The following OXSR1 variants were observed in gnomAD, a reference collection of about 807,000 sequenced individuals.
OXSR1 encodes the protein oxidative stress responsive kinase 1, also known as serine/threonine-protein kinase OSR1.
A neutral mutation model predicts 79.8 loss-of-function variants in OXSR1; 24 were observed. That is an observed-to-expected ratio of 0.30 (90% confidence interval 0.22 to 0.42). The LOEUF is 0.42. Ranked by LOEUF, OXSR1 falls within the 10% of genes least tolerant of loss-of-function variation. The probability of loss-of-function intolerance (pLI) is 1.00; values close to 1 mark genes in which losing one functional copy is unlikely to be tolerated. For synonymous variants in OXSR1, 226 were observed against 209.2 expected, an observed-to-expected ratio of 1.08 and a Z score of -0.69; for missense variants, 430 against 618.4, an observed-to-expected ratio of 0.70 and a Z score of 3.23.
chr3:38,170,272 C>G (rs1701552534), intron 1 of OXSR1, among the ~76,000 whole-genome samples: 1 of 151,976 alleles, frequency 6.6e-6, no homozygotes, highest in Admixed American at 6.6e-5. Context: ...TCTCGAACTC[C>G]TTACCTCAGA....
intron 2 of OXSR1, among the ~76,000 whole-genome samples, chr3:38,184,723 T>TCA (rs1305686659): frequency 6.6e-6 from 1 of 152,036 alleles, no homozygotes; most frequent in East Asian, 1.9e-4. Context: ...TACTTTAACC[T>TCA]CACACACATC....
intron 5 of OXSR1, 30 bp from the exon 6 acceptor site, chr3:38,221,548 T>G (rs376185375): frequency 1.6e-6 from 2 of 1,231,114 alleles, no homozygotes; most frequent in Non-Finnish European, 2.4e-6. Flanking sequence ...TGATGCACTT[T>G]AAATACCTTG....
At chr3:38,179,362 T>C (rs1056063971) in intron 1 of OXSR1, among the ~76,000 whole-genome samples, 14 of 152,014 alleles carry the variant, frequency 9.2e-5, no homozygotes, top group African/African-American at 3.4e-4. Flanking sequence ...AGACAGGGTC[T>C]TGCCATGTTG....
chr3:38,179,258 G>A (rs1374316905), intron 1 of OXSR1, among the ~76,000 whole-genome samples: 1 of 151,892 alleles, frequency 6.6e-6, no homozygotes, highest in African/African-American at 2.4e-5. Flanking sequence ...TTGAACTCTT[G>A]GGCTCAAGCG....
chr3:38,176,356 TATG>T lies in OXSR1; in HGVS notation c.71-6644_71-6642del, dbSNP rs1289007411. Among the ~76,000 whole-genome samples, 8 of 152,302 alleles carry T rather than the reference TATG, an allele frequency of 5.3e-5. No homozygotes were observed. In the South Asian group the frequency reaches 6.2e-4, roughly 12 times the overall value. On this transcript the variant is annotated intron_variant, in intron 1 of 17. Transcript: ENST00000311806. The stretch of plus-strand genomic sequence containing the variant: ...AATATTGGTGAATAGTTAAAATAAT[TATG>T]ATAAAACTTTTAGATATTCTTCCAT...
rs754668810 is a variant in OXSR1 at position 38,230,425 on chromosome 3, A to G, written c.946A>G (p.Lys316Glu). The G allele has an allele frequency of 8.1e-6, 13 of 1,595,306 alleles. No individual in the cohort carries two copies. In the East Asian group the frequency reaches 2.9e-4, roughly 36 times the overall value. The change falls in exon 10 of 18, where the codon AAA (lysine) becomes GAA (glutamate). Residue 316 changes from lysine (K) to glutamate (E), a missense_variant. By Grantham distance (56) the Lys-to-Glu change is moderately conservative. This residue lies in a region of OXSR1 where 276 missense variants were observed against 354.2 expected (regional missense o/e 0.78). Coordinates refer to ENST00000311806, the MANE Select transcript of OXSR1 (RefSeq NM_005109.3). ...QRAPTISERA[K>E]KVRRVPGSSG... Reference sequence around the variant, plus strand: ...AGCACCAACCATTTCTGAAAGAGCAAAAAAGGTAAATCAGAATTTAACTCA... The same window carrying G: ...AGCACCAACCATTTCTGAAAGAGCAGAAAAGGTAAATCAGAATTTAACTCA...
intron 3 of OXSR1, among the ~76,000 whole-genome samples, chr3:38,195,905 A>G (rs1396247936): frequency 4.6e-5 from 7 of 152,216 alleles, no homozygotes; most frequent in Admixed American, 4.6e-4. Flanking sequence ...ATTTGTACCA[A>G]ATACCCTGTT....
At position 38,183,027 on chromosome 3, in the gene OXSR1, A is replaced by G; in HGVS notation, c.95A>G (p.Gln32Arg). 3.1e-6 allele frequency: 5 copies of G among 1,611,946 alleles called. No individual in the cohort carries two copies. Among genetic ancestry groups the G allele is most frequent in the Non-Finnish European group, 4.2e-6 (5 of 1,178,448 alleles). Reference protein sequence around the residue: ...VIGSGATAVVQAAYCAPKKEK... With the variant: ...VIGSGATAVVRAAYCAPKKEK... ...GGGAGTGGAGCAACTGCTGTAGTCC[A>G]AGCAGCTTATTGTGCCCCTAAAAAG... is the stretch of plus-strand genomic sequence containing the variant. Residue 32 changes from glutamine to arginine, a missense_variant, in exon 2 of 18, where the codon CAA (glutamine) becomes CGA (arginine). By Grantham distance (43) the Gln-to-Arg change is conservative. This residue lies in a region of OXSR1 where 145 missense variants were observed against 228.3 expected (regional missense o/e 0.64). Coordinates refer to ENST00000311806, the MANE Select transcript of OXSR1 (RefSeq NM_005109.3).
At chr3:38,206,103 TTAAA>T (rs1272907607) in intron 4 of OXSR1, among the ~76,000 whole-genome samples, 3 of 152,236 alleles carry the variant, frequency 2.0e-5, no homozygotes, top group African/African-American at 7.2e-5. Context: ...TTTTGTATTC[TTAAA>T]ATTAATTTTG....
At chr3:38,181,354 GTTTTTT>G (rs1201344941) in intron 1 of OXSR1, among the ~76,000 whole-genome samples, 1 of 128,160 alleles carries the variant, frequency 7.8e-6, no homozygotes, top group Admixed American at 8.0e-5. Context: ...TGTTTCAAAA[GTTTTTT>G]TTTTTTTTTT....
At chr3:38,235,850 A>C (rs34123934) in intron 10 of OXSR1, among the ~76,000 whole-genome samples, 2 of 152,244 alleles carry the variant, frequency 1.3e-5, no homozygotes, top group East Asian at 3.8e-4. Flanking sequence ...ACTTTAATAC[A>C]TGCTAATAGT....
At chr3:38,232,198 T>C (rs890390546) in intron 10 of OXSR1, among the ~76,000 whole-genome samples, 1 of 151,984 alleles carries the variant, frequency 6.6e-6, no homozygotes, top group African/African-American at 2.4e-5. Context: ...GGTGGGAGGA[T>C]AGCTTGATCG....
intron 4 of OXSR1, 90 bp from the exon 5 acceptor site, chr3:38,216,006 A>G (rs959196524): frequency 6.6e-6 from 5 of 753,908 alleles, no homozygotes; most frequent in South Asian, 1.6e-5. Flanking sequence ...TATTGCTAGT[A>G]TTACATGAAT....
intron 1 of OXSR1, 27 bp from the exon 2 acceptor site, chr3:38,182,976 T>C (rs1184677380): frequency 1.6e-6 from 2 of 1,217,008 alleles, no homozygotes; most frequent in Admixed American, 1.8e-5. Flanking sequence ...CATCTACTTA[T>C]TTACTCTTTT....
chr3:38,224,031 C>A, intron 7 of OXSR1, 118 bp downstream of exon 7: 1 of 600,054 alleles, frequency 1.7e-6, no homozygotes, highest in Non-Finnish European at 2.9e-6. Context: ...TAAAATTGAC[C>A]ATCATCTTTA....
chr3:38,170,051 T>C (rs1451594244), intron 1 of OXSR1, among the ~76,000 whole-genome samples: 1 of 151,812 alleles, frequency 6.6e-6, no homozygotes, highest in African/African-American at 2.4e-5. Flanking sequence ...TTTATTATTA[T>C]TATTTTTTTT....
At chr3:38,174,901 A>C (rs923332016) in intron 1 of OXSR1, among the ~76,000 whole-genome samples, 6 of 152,238 alleles carry the variant, frequency 3.9e-5, no homozygotes, top group African/African-American at 1.4e-4. Context: ...GGCTGCTTGA[A>C]TACTTACTTG....
At chr3:38,203,750 T>A (rs1702213677) in intron 4 of OXSR1, among the ~76,000 whole-genome samples, 1 of 152,172 alleles carries the variant, frequency 6.6e-6, no homozygotes, top group Non-Finnish European at 1.5e-5. Flanking sequence ...AGCACCCCTG[T>A]GGCTACCAGC....
At chr3:38,240,700 T>TAA (rs1290845869) in intron 11 of OXSR1, among the ~76,000 whole-genome samples, 5 of 133,180 alleles carry the variant, frequency 3.8e-5, no homozygotes, top group African/African-American at 2.7e-5. Context: ...AAAAGATACT[T>TAA]AAAAAAAAAA....
Sources: gnomAD v4.1 joint callset for allele counts (sites outside exome capture counted in the v4.1 genomes callset) on GRCh38, gnomAD v4.1.1 for gene constraint, gnomAD v4.1.1 regional missense constraint, MANE v1.5 for transcripts, NCBI Gene and HGNC (gene_info 2026-07-23, HGNC 2026-07-21) for gene names.